Variants in HELZ observed in about 807,000 individuals in gnomAD.
The protein encoded by HELZ is helicase with zinc finger.
Under a neutral mutation model 218.2 loss-of-function variants are expected in HELZ, and 23 were observed. The ratio of observed to expected loss-of-function variants is 0.11; its 90% confidence interval spans 0.08 to 0.15. The LOEUF is 0.15. Among genes scored for constraint, HELZ ranks in the 10% least tolerant of loss-of-function variants. The pLI, the probability that HELZ is intolerant of heterozygous loss-of-function variation, is 1.00. For synonymous variants in HELZ, 814 were observed against 829.4 expected, an observed-to-expected ratio of 0.98 and a Z score of 0.32; for missense variants, 1,813 against 2,353.7, an observed-to-expected ratio of 0.77 and a Z score of 4.75.
intron 31 of HELZ, among the ~76,000 whole-genome samples, chr17:67,087,889 T>C (rs1487747927): frequency 1.3e-5 from 2 of 152,226 alleles, no homozygotes; most frequent in East Asian, 3.8e-4. Context: ...GTGATCAATA[T>C]TCAGAGTCAA....
At chr17:67,195,838 CTTTTTTTTTTTTTCTTT>C (rs1386964795) in intron 7 of HELZ, among the ~76,000 whole-genome samples, 7 of 101,544 alleles carry the variant, frequency 6.9e-5, no homozygotes, top group Admixed American at 2.5e-4. Context: ...GTTTCTTTTC[CTTTTTTTTTTTTTCTTT>C]TTTTTTTTTT....
intron 15 of HELZ, among the ~76,000 whole-genome samples, chr17:67,164,143 A>G (rs2144131062): frequency 6.6e-6 from 1 of 152,362 alleles, no homozygotes; most frequent in South Asian, 2.1e-4. Flanking sequence ...TATTCAAAGA[A>G]AAATAAGACG....
rs1321897867 is a variant in HELZ at position 67,074,235 on chromosome 17, A to AT, written c.*4016dup. The AT allele has an allele frequency of 7.8e-6, 1 of 128,080 alleles. No homozygotes were observed. The highest frequency in any genetic ancestry group is 1.6e-5 in the Non-Finnish European group (1 of 62,292). The allele number at this position is 128,080 out of a possible 1,614,324, so 7.9% of individuals were successfully genotyped here. Reference sequence around the variant, plus strand: ...AAATCATAAAAGACAAATTACTACCATTGAGGAGCTGGAGGGAAAAAAAAA... The same window carrying AT: ...AAATCATAAAAGACAAATTACTACCATTTGAGGAGCTGGAGGGAAAAAAAAA... On this transcript the variant is annotated 3_prime_UTR_variant, in exon 33 of 33. Coordinates refer to ENST00000358691, the MANE Select transcript of HELZ (RefSeq NM_014877.4).
chr17:67,241,821 G>C lies in HELZ; in HGVS notation c.-76+1963C>G, dbSNP rs546459950. 3.3e-5 allele frequency among the ~76,000 whole-genome samples: 5 copies of C among 152,296 alleles called. 1 individual carries two copies. The South Asian group carries it at 1.0e-3, about 32-fold the overall frequency. ...AAGCTCTGTCTTTATTCAGCTCAGA[G>C]ACACAGACTTCTACCTCACCACAAC... On this transcript the variant is annotated intron_variant, in intron 2 of 32. Transcript: ENST00000358691.
Position 67,178,676 on chromosome 17 carries a change from C to T in HELZ, c.1413G>A (p.Gln471=), listed in dbSNP as rs749261127. 6 of 1,610,882 alleles carry T rather than the reference C, an allele frequency of 3.7e-6. No homozygotes were observed. In the South Asian group the frequency reaches 4.4e-5, roughly 12 times the overall value. ...HDLLYIEEIA[Q]YKEISKFNLK... is the part of the protein sequence containing the mutation. Reference sequence around the variant, plus strand: ...TAACTTACTTGCTGATTTCTTTATACTGGGCTATCTCCTCAATATAAAGAA... The same window carrying T: ...TAACTTACTTGCTGATTTCTTTATATTGGGCTATCTCCTCAATATAAAGAA... Residue 471 remains glutamine (Q), a synonymous_variant, in exon 13 of 33, where the codon CAG becomes CAA. Coordinates refer to ENST00000358691, the MANE Select transcript of HELZ (RefSeq NM_014877.4).
In HELZ at chr17:67,122,388, A is replaced by C. The variant is rs551557920; in HGVS notation, c.3630+582T>G. 1.2e-4 allele frequency among the ~76,000 whole-genome samples: 18 copies of C among 152,338 alleles called. No homozygotes were observed. The South Asian group carries it at 2.7e-3, about 23-fold the overall frequency. ...GTGAAACCCCGCGTCTACTAAAAAT[A>C]CAAAAAAATTAGCCAGGCGTGGTGG... On this transcript the variant is annotated intron_variant, in intron 26 of 32. Transcript: ENST00000358691.
intron 3 of HELZ, among the ~76,000 whole-genome samples, chr17:67,229,985 A>T (rs1391561383): frequency 6.6e-6 from 1 of 152,238 alleles, no homozygotes; most frequent in African/African-American, 2.4e-5. Flanking sequence ...TAAATTTTAG[A>T]ATAAGTGGAA....
intron 5 of HELZ, among the ~76,000 whole-genome samples, chr17:67,212,554 C>T (rs1317734780): frequency 1.3e-5 from 2 of 151,990 alleles, no homozygotes; most frequent in Non-Finnish European, 2.9e-5. Context: ...TTACATGTAA[C>T]AGCAGAACTC....
chr17:67,100,148 C>T (rs933075841), intron 31 of HELZ, among the ~76,000 whole-genome samples: 1 of 152,140 alleles, frequency 6.6e-6, no homozygotes, highest in African/African-American at 2.4e-5. Context: ...CTGTACAATA[C>T]TTTCCTCTAA....
At chr17:67,177,189 GC>G (rs1179793339) in intron 13 of HELZ, among the ~76,000 whole-genome samples, 3 of 152,042 alleles carry the variant, frequency 2.0e-5, no homozygotes, top group Non-Finnish European at 2.9e-5. Flanking sequence ...TTGAGCACAA[GC>G]AATCCATCCA....
chr17:67,176,245 A>G (rs2039453557), intron 13 of HELZ: 1 of 152,248 alleles, frequency 6.6e-6, no homozygotes, highest in South Asian at 2.1e-4. Context: ...ATAGGCATCT[A>G]TAAAAAATTA....
rs114656736 is a variant in HELZ, at chr17:67,140,305, A to T, written c.2770-2191T>A. On this transcript the variant is annotated intron_variant, in intron 21 of 32. Coordinates refer to ENST00000358691, the MANE Select transcript of HELZ (RefSeq NM_014877.4). ...CATGTCCTCCCCCAACAACTGCTCC[A>T]TAAGTTCTGCCCAGGAGACGGTGAG... Among the ~76,000 whole-genome samples the T allele has an allele frequency of 3.4e-3, 515 of 152,314 alleles. 5 individuals are homozygous for T. Among genetic ancestry groups the T allele is most frequent in the Middle Eastern group, 0.017 (5 of 294 alleles).
intron 3 of HELZ, among the ~76,000 whole-genome samples, chr17:67,237,775 G>A (rs1283685034): frequency 6.6e-6 from 1 of 151,572 alleles, no homozygotes; most frequent in Non-Finnish European, 1.5e-5. Context: ...GATCACTTGA[G>A]GTCAGGAGTT....
In HELZ at chr17:67,107,552, A is replaced by C; in HGVS notation, c.4858T>G (p.Ser1620Ala). ...CTGTGGTCTGTACTGGATGGGGGAG[A>C]TGGGACTGCTGGTGGGCTTCTACTC... Reference protein sequence around the residue: ...VQSRSPPAVPSPPSSTDHSSH... With the variant: ...VQSRSPPAVPAPPSSTDHSSH... Residue 1620 changes from serine (S) to alanine (A), a missense_variant, in exon 31 of 33, where the codon TCT becomes GCT. Physicochemically the swap from Ser to Ala is moderately conservative, Grantham distance 99. Coordinates refer to ENST00000358691, the MANE Select transcript of HELZ (RefSeq NM_014877.4). 1 of 1,614,116 alleles carries C rather than the reference A, an allele frequency of 6.2e-7. No individual in the cohort carries two copies. Among genetic ancestry groups the C allele is most frequent in the South Asian group, 1.1e-5 (1 of 91,084 alleles).
rs1373928632 is a variant in HELZ, at chr17:67,188,212, T to C, written c.1162+107A>G. The C allele has an allele frequency of 8.4e-6, 9 of 1,074,934 alleles. No homozygotes were observed. The South Asian group carries it at 1.4e-4, about 17-fold the overall frequency. 66.6% of individuals were successfully genotyped at this position (1,074,934 alleles called of 1,614,324 possible). ...GTCAATTAAGTTGGGATTTTTTTCT[T>C]TATTACTATTCTCTTCCTATCCATG... is the stretch of plus-strand genomic sequence containing the variant. On this transcript the variant is annotated intron_variant, in intron 12 of 32. Coordinates refer to ENST00000358691, the MANE Select transcript of HELZ (RefSeq NM_014877.4). The surrounding 1 kb of genome is among the most constrained non-coding windows in gnomAD (Gnocchi z 4.1).
At chr17:67,237,988 CAA>C (rs796850668) in intron 3 of HELZ, among the ~76,000 whole-genome samples, 41 of 87,036 alleles carry the variant, frequency 4.7e-4, no homozygotes, top group Admixed American at 9.5e-4. Flanking sequence ...GACTCCATCT[CAA>C]AAAAAAAAAA....
chr17:67,104,808 A>G (rs983730442), intron 31 of HELZ, among the ~76,000 whole-genome samples: 2 of 152,182 alleles, frequency 1.3e-5, no homozygotes, highest in African/African-American at 4.8e-5. Flanking sequence ...ATCATCAGTA[A>G]ATAGGGAAAT....
chr17:67,243,945 A>G (rs1446515357), intron 1 of HELZ, 106 bp from the exon 2 acceptor site: 2 of 982,264 alleles, frequency 2.0e-6, no homozygotes, highest in African/African-American at 3.5e-5. Flanking sequence ...TTTAAAATGG[A>G]AAAAGTTACA....
At chr17:67,215,975 G>C (rs779405607) in intron 4 of HELZ, 40 bp from the exon 5 acceptor site, 12 of 1,194,416 alleles carry the variant, frequency 1.0e-5, no homozygotes, top group Non-Finnish European at 1.5e-5. Flanking sequence ...AGTATTTCAA[G>C]AGCTGCTTTT....
Sources: gnomAD v4.1 joint callset for allele counts (sites outside exome capture counted in the v4.1 genomes callset) on GRCh38, gnomAD v4.1.1 for gene constraint, Gnocchi (gnomAD v3.1) non-coding constraint, MANE v1.5 for transcripts, NCBI Gene and HGNC (gene_info 2026-07-23, HGNC 2026-07-21) for gene names.